ABRAXAS2: variants seen among roughly 807,000 people sequenced by gnomAD.
ABRAXAS2 encodes abraxas 2, BRISC complex subunit.
A neutral mutation model predicts 49.0 loss-of-function variants in ABRAXAS2; 23 were observed. The ratio of observed to expected loss-of-function variants is 0.47; its 90% confidence interval spans 0.34 to 0.66. The LOEUF is 0.66. ABRAXAS2 is among the 30% of genes least tolerant of loss of function. ABRAXAS2 has a pLI of 0.01. For synonymous variants in ABRAXAS2, 168 were observed against 180.2 expected, an observed-to-expected ratio of 0.93 and a Z score of 0.54; for missense variants, 443 against 511.9, an observed-to-expected ratio of 0.87 and a Z score of 1.30.
chr10:124,825,813 C>T (rs1449314561), intron 4 of ABRAXAS2, among the ~76,000 whole-genome samples: 2 of 152,144 alleles, frequency 1.3e-5, no homozygotes, highest in Non-Finnish European at 2.9e-5. Flanking sequence ...AATTCAGAAA[C>T]TTACTTAAAT....
chr10:124,834,441 C>T (rs1950954540), intron 8 of ABRAXAS2, 61 bp from the exon 9 acceptor site: 1 of 1,437,012 alleles, frequency 7.0e-7, no homozygotes, highest in Non-Finnish European at 9.5e-7. Context: ...CCGTGTTATA[C>T]ATTGAGATGA....
intron 2 of ABRAXAS2, among the ~76,000 whole-genome samples, chr10:124,807,557 G>T (rs1950754843): frequency 6.6e-6 from 1 of 151,996 alleles, no homozygotes; most frequent in Non-Finnish European, 1.5e-5. Context: ...GGATGCTGAG[G>T]CAGGAGAATC....
chr10:124,806,728 A>G, intron 1 of ABRAXAS2, 103 bp from the exon 2 acceptor site: 1 of 740,602 alleles, frequency 1.4e-6, no homozygotes, highest in Non-Finnish European at 2.2e-6. Flanking sequence ...GCTTGTTTGG[A>G]TTATTGTGAA....
chr10:124,822,358 G>A (rs1219666701), intron 4 of ABRAXAS2, among the ~76,000 whole-genome samples: 1 of 152,166 alleles, frequency 6.6e-6, no homozygotes, highest in Admixed American at 6.5e-5. Context: ...CACAGGAAAC[G>A]ATCTGAAAGG....
chr10:124,813,323 G>A (rs1950802881), intron 2 of ABRAXAS2, among the ~76,000 whole-genome samples: 1 of 152,200 alleles, frequency 6.6e-6, no homozygotes, highest in Non-Finnish European at 1.5e-5. Flanking sequence ...CTTAGTTCTA[G>A]GAGTAGCAGG....
intron 6 of ABRAXAS2, 26 bp from the exon 7 acceptor site, chr10:124,829,367 G>C (rs959432465): frequency 3.4e-6 from 5 of 1,489,284 alleles, no homozygotes; most frequent in Middle Eastern, 1.7e-4. Context: ...TAACCTTGAG[G>C]CATCTTTTTT....
Position 124,835,040 on chromosome 10 carries a change from T to G in ABRAXAS2, c.*69T>G. ...GCTTACTGAGAGGGTTTTTGAGAAC[T>G]TAATCTGGGGGGAGAACTGCTTTCT... is the stretch of plus-strand genomic sequence containing the variant. On this transcript the variant is annotated 3_prime_UTR_variant, in exon 9 of 9. Coordinates refer to ENST00000298492, the MANE Select transcript of ABRAXAS2 (RefSeq NM_032182.4). The G allele has an allele frequency of 2.4e-6, 3 of 1,245,202 alleles. No individual in the cohort carries two copies. Among genetic ancestry groups the G allele is most frequent in the Non-Finnish European group, 3.3e-6 (3 of 896,584 alleles). The allele number at this position is 1,245,202 out of a possible 1,614,324, so 77.1% of individuals were successfully genotyped here. A position where few individuals can be genotyped will look rare whatever the true frequency, so the allele number is the denominator to read the frequency against.
At chr10:124,806,459 T>C (rs992900388) in intron 1 of ABRAXAS2, among the ~76,000 whole-genome samples, 1 of 152,208 alleles carries the variant, frequency 6.6e-6, no homozygotes, top group African/African-American at 2.4e-5. Context: ...TCAGCGATGT[T>C]TTTACAACAA....
intron 2 of ABRAXAS2, among the ~76,000 whole-genome samples, chr10:124,813,083 C>G (rs1589804409): frequency 6.6e-6 from 1 of 152,152 alleles, no homozygotes; most frequent in Admixed American, 6.6e-5. Context: ...CGCCTGTAAT[C>G]CCAGCTACTT....
At position 124,835,018 on chromosome 10, in the gene ABRAXAS2, T is replaced by C. The variant is rs767180696; in HGVS notation, c.*47T>C. On this transcript the variant is annotated 3_prime_UTR_variant, in exon 9 of 9. Transcript: ENST00000298492. ...CCTAGCACTGTTTTTCTTCATTGCT[T>C]ACTGAGAGGGTTTTTGAGAACTTAA... 40 of 1,432,536 alleles carry C rather than the reference T, an allele frequency of 2.8e-5. No homozygotes were observed. In the Middle Eastern group the frequency reaches 8.3e-4, roughly 30 times the overall value. The allele number at this position is 1,432,536 out of a possible 1,614,324, so 88.7% of individuals were successfully genotyped here.
chr10:124,831,596 A>C, intron 8 of ABRAXAS2, 133 bp downstream of exon 8: 1 of 523,004 alleles, frequency 1.9e-6, no homozygotes, highest in Non-Finnish European at 3.3e-6. Context: ...GGGGCAGAGC[A>C]GTCTCTTGTT....
chr10:124,816,774 A>G (rs1407936328), intron 3 of ABRAXAS2, among the ~76,000 whole-genome samples, 162 bp downstream of exon 3: 1 of 152,202 alleles, frequency 6.6e-6, no homozygotes, highest in African/African-American at 2.4e-5. Context: ...AGGTTAGGAA[A>G]AGGGAAGGGA....
At chr10:124,830,403 G>GCCACTGCACT (rs1464017196) in intron 7 of ABRAXAS2, among the ~76,000 whole-genome samples, 20 of 152,158 alleles carry the variant, frequency 1.3e-4, no homozygotes, top group Non-Finnish European at 2.6e-4. Context: ...CTACAATTGT[G>GCCACTGCACT]CCACTGCACT....
At chr10:124,803,938 T>A (rs545535794) in intron 1 of ABRAXAS2, among the ~76,000 whole-genome samples, 2 of 152,264 alleles carry the variant, frequency 1.3e-5, no homozygotes, top group South Asian at 4.2e-4. Context: ...AGGCCGTACA[T>A]TAATAAGCAT....
At chr10:124,812,269 G>T (rs1950795094) in intron 2 of ABRAXAS2, among the ~76,000 whole-genome samples, 3 of 152,182 alleles carry the variant, frequency 2.0e-5, no homozygotes, top group Admixed American at 1.3e-4. Flanking sequence ...GCGATGTTCA[G>T]TTCATTGAAA....
At chr10:124,815,289 G>C (rs1026400484) in intron 2 of ABRAXAS2, among the ~76,000 whole-genome samples, 1 of 151,514 alleles carries the variant, frequency 6.6e-6, no homozygotes, top group Non-Finnish European at 1.5e-5. Flanking sequence ...CCACCTCCCG[G>C]GTTCACGCCA....
chr10:124,805,225 C>G (rs1426770798), intron 1 of ABRAXAS2, among the ~76,000 whole-genome samples: 2 of 151,486 alleles, frequency 1.3e-5, no homozygotes, highest in East Asian at 2.0e-4. Flanking sequence ...CCCAGCTACT[C>G]GGGAGGCTGA....
intron 2 of ABRAXAS2, among the ~76,000 whole-genome samples, chr10:124,812,022 C>G (rs1950793022): frequency 1.3e-5 from 2 of 152,160 alleles, no homozygotes; most frequent in Admixed American, 6.5e-5. Flanking sequence ...GGTGATCCGC[C>G]CACCTTGGCC....
At position 124,828,685 on chromosome 10, in the gene ABRAXAS2, T is replaced by C. The variant is rs1372542346; in HGVS notation, c.459-71T>C. The stretch of plus-strand genomic sequence containing the variant: ...CACCACACCCAGCCCTTTTTTTTTT[T>C]AGACTGTCAGTCTCACTTGAATATG... On this transcript the variant is annotated intron_variant, in intron 5 of 8. Coordinates refer to ENST00000298492, the MANE Select transcript of ABRAXAS2 (RefSeq NM_032182.4). 2.1e-5 allele frequency: 30 copies of C among 1,444,402 alleles called. No individual in the cohort carries two copies. In the East Asian group the frequency reaches 4.9e-4, roughly 24 times the overall value. 89.5% of individuals were successfully genotyped at this position (1,444,402 alleles called of 1,614,324 possible). A position where few individuals can be genotyped will look rare whatever the true frequency, so the allele number is the denominator to read the frequency against.
Sources: gnomAD v4.1 joint callset for allele counts (sites outside exome capture counted in the v4.1 genomes callset) on GRCh38, gnomAD v4.1.1 for gene constraint, MANE v1.5 for transcripts, NCBI Gene and HGNC (gene_info 2026-07-23, HGNC 2026-07-21) for gene names.